The following GALNT13 variants were observed in gnomAD, a reference collection of about 807,000 sequenced individuals.
GALNT13 encodes the protein polypeptide N-acetylgalactosaminyltransferase 13.
A neutral mutation model predicts 64.2 loss-of-function variants in GALNT13; 28 were observed. The ratio of observed to expected loss-of-function variants is 0.44; its 90% CI spans 0.32 to 0.60. GALNT13 has a LOEUF of 0.60. Ranked by LOEUF, GALNT13 falls within the 20% of genes least tolerant of loss-of-function variation. GALNT13 has a pLI of 0.05. For missense variants in GALNT13, 577 were observed against 669.8 expected (o/e 0.86, Z 1.53); for synonymous variants, 214 against 224.6 (o/e 0.95, Z 0.42).
chr2:153,455,697 G>A, the GALNT13 span, among the ~76,000 whole-genome samples: 1 of 152,204 alleles, frequency 6.6e-6, no homozygotes, highest in Admixed American at 6.5e-5. Context: ...TGCTGTCCGC[G>A]GACAGCTTAA....
At chr2:153,631,613 T>C in the GALNT13 span, among the ~76,000 whole-genome samples, 1 of 152,254 alleles carries the variant, frequency 6.6e-6, no homozygotes, top group Admixed American at 6.5e-5. Flanking sequence ...TGTCTTCTTT[T>C]GAGAAGTGTC....
chr2:153,191,918 C>A, the GALNT13 span, among the ~76,000 whole-genome samples: 1 of 151,614 alleles, frequency 6.6e-6, no homozygotes, highest in African/African-American at 2.4e-5. Flanking sequence ...CTTTTTGTTT[C>A]TAATTTTATT....
intron 9 of GALNT13, among the ~76,000 whole-genome samples, chr2:154,386,210 G>C (rs1205797308): frequency 1.3e-5 from 2 of 151,996 alleles, no homozygotes; most frequent in Non-Finnish European, 2.9e-5. Flanking sequence ...GAGGAGATGG[G>C]AGATAGTCTC....
At chr2:154,245,687 A>T (rs1345230010) in intron 6 of GALNT13, 125 bp from the exon 7 acceptor site, 1 of 591,170 alleles carries the variant, frequency 1.7e-6, no homozygotes, top group Non-Finnish European at 3.0e-6. Flanking sequence ...GATAAAATGA[A>T]GCTAAAGGCA....
chr2:153,552,916 G>A, the GALNT13 span, among the ~76,000 whole-genome samples: 1 of 152,090 alleles, frequency 6.6e-6, no homozygotes, highest in African/African-American at 2.4e-5. Context: ...TGCTGCCGCT[G>A]ATCTGACAGG....
the GALNT13 span, among the ~76,000 whole-genome samples, chr2:153,232,964 C>A: frequency 3.1e-4 from 47 of 152,282 alleles, no homozygotes; most frequent in Non-Finnish European, 5.4e-4. Flanking sequence ...ATTTGTGACT[C>A]CAACAAGTCA....
At chr2:153,179,900 G>A in the GALNT13 span, among the ~76,000 whole-genome samples, 2 of 152,004 alleles carry the variant, frequency 1.3e-5, no homozygotes, top group East Asian at 1.9e-4. Context: ...TAAGGTTACT[G>A]TATCATTTAT....
intron 8 of GALNT13, among the ~76,000 whole-genome samples, chr2:154,291,857 C>T (rs1052092452): frequency 2.6e-5 from 4 of 152,262 alleles, no homozygotes; most frequent in Non-Finnish European, 4.4e-5. Flanking sequence ...GTTGTCACCT[C>T]TCGATGTGAT....
At chr2:153,885,637 C>G (rs761463852) in intron 1 of GALNT13, among the ~76,000 whole-genome samples, 2 of 152,136 alleles carry the variant, frequency 1.3e-5, no homozygotes, top group East Asian at 1.9e-4. Flanking sequence ...TGTTTTTAAA[C>G]GGTACCAGTT....
chr2:154,195,661 T>C (rs991937151), intron 4 of GALNT13, among the ~76,000 whole-genome samples: 1 of 152,094 alleles, frequency 6.6e-6, no homozygotes, highest in Non-Finnish European at 1.5e-5. Flanking sequence ...TCCACACATA[T>C]AGGAGCTCAG....
At chr2:153,240,258 T>TA in the GALNT13 span, among the ~76,000 whole-genome samples, 1 of 152,188 alleles carries the variant, frequency 6.6e-6, no homozygotes, top group African/African-American at 2.4e-5. Flanking sequence ...TTATTTTTTT[T>TA]AAATCAACTT....
the GALNT13 span, among the ~76,000 whole-genome samples, chr2:153,433,706 C>G: frequency 6.6e-6 from 1 of 152,148 alleles, no homozygotes; most frequent in Non-Finnish European, 1.5e-5. Context: ...TGAACCAACT[C>G]TCCATGTACT....
chr2:153,088,519 C>T, the GALNT13 span, among the ~76,000 whole-genome samples: 26 of 152,184 alleles, frequency 1.7e-4, no homozygotes, highest in African/African-American at 6.3e-4. Context: ...TCTTCTTTGA[C>T]TTTCTGTCTT....
intron 3 of GALNT13, among the ~76,000 whole-genome samples, chr2:154,057,370 A>G (rs1264474708): frequency 6.6e-6 from 1 of 152,196 alleles, no homozygotes; most frequent in Admixed American, 6.5e-5. Context: ...TGGCAATATG[A>G]GTATAACCAT....
intron 9 of GALNT13, among the ~76,000 whole-genome samples, chr2:154,363,224 C>T (rs1697175548): frequency 6.6e-6 from 1 of 152,204 alleles, no homozygotes. Context: ...CCAACCAGCT[C>T]ACCCCAGTTT....
the GALNT13 span, among the ~76,000 whole-genome samples, chr2:153,104,559 A>G: frequency 2.0e-5 from 3 of 152,066 alleles, no homozygotes; most frequent in African/African-American, 4.8e-5. Context: ...TGGACTCTTT[A>G]TATTTTGGAG....
chr2:153,677,422 GAA>G, the GALNT13 span, among the ~76,000 whole-genome samples: 2 of 151,054 alleles, frequency 1.3e-5, no homozygotes, highest in Non-Finnish European at 2.9e-5. Context: ...CAAACAAATG[GAA>G]AAACATTACA....
the GALNT13 span, among the ~76,000 whole-genome samples, chr2:153,853,690 T>C: frequency 1.3e-5 from 2 of 150,898 alleles, no homozygotes; most frequent in Admixed American, 6.6e-5. Flanking sequence ...AATATAATTA[T>C]ACAATTGCAT....
the GALNT13 span, among the ~76,000 whole-genome samples, chr2:153,843,676 T>G: frequency 6.6e-6 from 1 of 152,212 alleles, no homozygotes; most frequent in Non-Finnish European, 1.5e-5. Flanking sequence ...CAAGGCAAGT[T>G]TCTTCCACCT....
Sources: allele counts gnomAD v4.1 joint callset (sites outside exome capture counted in the v4.1 genomes callset), GRCh38; gene constraint gnomAD v4.1.1; transcripts MANE v1.5; gene names NCBI Gene and HGNC (gene_info 2026-07-23, HGNC 2026-07-21).